MAST4: variants seen among roughly 807,000 people sequenced by gnomAD.
MAST4 encodes microtubule associated serine/threonine kinase family member 4.
A neutral mutation model predicts 162.7 loss-of-function variants in MAST4; 89 were observed. That is an observed-to-expected ratio of 0.55 (90% CI 0.46 to 0.65). The LOEUF is 0.65. Ranked by LOEUF, MAST4 falls within the 30% of genes least tolerant of loss-of-function variation. MAST4 has a pLI of 0.00. For synonymous variants in MAST4, 1,479 were observed against 1,361.1 expected (o/e 1.09, Z -1.91); for missense variants, 3,153 against 3,374.0 (o/e 0.93, Z 1.62).
chr5:66,950,223 TTTTTTTTTCTTTTTTTTTC>T (rs1267288777), intron 4 of MAST4, among the ~76,000 whole-genome samples: 2 of 131,700 alleles, frequency 1.5e-5, no homozygotes, highest in African/African-American at 8.7e-5. Context: ...ACTAGTATAC[TTTTTTTTTCTTTTTTTTTC>T]TTTTTTTTCT....
At chr5:66,735,763 G>A (rs1486181647) in intron 1 of MAST4, among the ~76,000 whole-genome samples, 1 of 152,192 alleles carries the variant, frequency 6.6e-6, no homozygotes, top group Non-Finnish European at 1.5e-5. Context: ...ATTCTTGACT[G>A]TAGGAGCTAG....
intron 24 of MAST4, among the ~76,000 whole-genome samples, chr5:67,151,767 C>CTTTTTTTTTTTTTT (rs1163541260): frequency 8.6e-6 from 1 of 115,664 alleles, no homozygotes; most frequent in Non-Finnish European, 1.8e-5. Flanking sequence ...TTCTTTTTTT[C>CTTTTTTTTTTTTTT]TTTTTTTTTT....
intron 4 of MAST4, among the ~76,000 whole-genome samples, chr5:66,950,947 G>T (rs940368391): frequency 3.9e-5 from 6 of 152,132 alleles, no homozygotes; most frequent in African/African-American, 7.2e-5. Flanking sequence ...TGTTTGCAAG[G>T]TTCATCCACA....
intron 26 of MAST4, among the ~76,000 whole-genome samples, chr5:67,160,124 A>T (rs1773015217): frequency 6.6e-6 from 1 of 152,222 alleles, no homozygotes; most frequent in Non-Finnish European, 1.5e-5. Flanking sequence ...TGTGATCCTC[A>T]AATGAGCCCC....
rs912097249 is a variant in MAST4, at chr5:66,640,863, C to T, written c.363+43845C>T. On this transcript the variant is annotated intron_variant, in intron 1 of 28. Coordinates refer to ENST00000403625, the MANE Select transcript of MAST4 (RefSeq NM_001164664.2). ...TCCATTAGCAATGTACCAGGGTTCCCTTTTCCCTACACCCTCTTGAGCACT... is the reference window on the plus strand; with the variant it reads ...TCCATTAGCAATGTACCAGGGTTCCTTTTTCCCTACACCCTCTTGAGCACT... Among the ~76,000 whole-genome samples the T allele has an allele frequency of 2.0e-5, 3 of 151,960 alleles. No homozygotes were observed. In the East Asian group the frequency reaches 5.8e-4, roughly 29 times the overall value.
intron 5 of MAST4, among the ~76,000 whole-genome samples, chr5:67,064,824 T>G (rs1760039990): frequency 6.6e-6 from 1 of 151,150 alleles, no homozygotes; most frequent in South Asian, 2.1e-4. Context: ...TTATAAATTT[T>G]AGAGAGGAGA....
chr5:66,718,940 G>A (rs1301652695), intron 1 of MAST4, among the ~76,000 whole-genome samples: 1 of 152,192 alleles, frequency 6.6e-6, no homozygotes, highest in African/African-American at 2.4e-5. Context: ...GCTTAACCAT[G>A]TAGACTGTAA....
chr5:67,089,256 C>G (rs943207883), intron 5 of MAST4, among the ~76,000 whole-genome samples: 1 of 152,198 alleles, frequency 6.6e-6, no homozygotes, highest in African/African-American at 2.4e-5. Flanking sequence ...ATTAAACATG[C>G]AGAGGGAAGC....
chr5:66,897,030 T>C (rs1561424402), intron 3 of MAST4, among the ~76,000 whole-genome samples: 1 of 152,220 alleles, frequency 6.6e-6, no homozygotes, highest in Non-Finnish European at 1.5e-5. Context: ...ACAGCAACTC[T>C]AAAAAATGTT....
intron 4 of MAST4, among the ~76,000 whole-genome samples, chr5:66,917,905 T>A (rs1020572712): frequency 3.9e-5 from 6 of 152,124 alleles, no homozygotes; most frequent in Non-Finnish European, 8.8e-5. Flanking sequence ...ATTAAAAATT[T>A]AAAATTGAAG....
At chr5:66,611,951 A>G (rs917662733) in intron 1 of MAST4, among the ~76,000 whole-genome samples, 1 of 152,232 alleles carries the variant, frequency 6.6e-6, no homozygotes, top group Non-Finnish European at 1.5e-5. Flanking sequence ...TTGTTTCTAA[A>G]TGTGTAATAC....
At chr5:66,764,109 T>C (rs1753975379) in intron 2 of MAST4, among the ~76,000 whole-genome samples, 1 of 152,208 alleles carries the variant, frequency 6.6e-6, no homozygotes, top group Non-Finnish European at 1.5e-5. Flanking sequence ...AACATCTCAA[T>C]GGTAGACAAC....
rs59769598 is a variant in MAST4 at position 66,616,761 on chromosome 5, T to A, written c.363+19743T>A. The stretch of plus-strand genomic sequence containing the variant: ...AGTCTATCTTCTGAATAGGCACACA[T>A]TTCATAATGTTTGCAAAAGCAAATT... On this transcript the variant is annotated intron_variant, in intron 1 of 28. Coordinates refer to ENST00000403625, the MANE Select transcript of MAST4 (RefSeq NM_001164664.2). 3.6e-3 allele frequency among the ~76,000 whole-genome samples: 549 copies of A among 152,274 alleles called. 2 individuals carry two copies. The highest frequency in any genetic ancestry group is 0.013 in the African/African-American group (528 of 41,548).
chr5:66,864,208 A>AAGG (rs1760324252), intron 3 of MAST4, among the ~76,000 whole-genome samples: 1 of 126,932 alleles, frequency 7.9e-6, no homozygotes, highest in Non-Finnish European at 1.8e-5. Flanking sequence ...TAATGTAAAG[A>AAGG]TGGGGAAAAG....
chr5:66,907,756 G>A (rs535417187), intron 4 of MAST4, among the ~76,000 whole-genome samples: 14 of 152,146 alleles, frequency 9.2e-5, no homozygotes, highest in Admixed American at 7.8e-4. Flanking sequence ...GCAAGGAAAG[G>A]GAATCACCTT....
At chr5:66,665,636 T>C (rs1292698184) in intron 1 of MAST4, among the ~76,000 whole-genome samples, 1 of 152,184 alleles carries the variant, frequency 6.6e-6, no homozygotes, top group African/African-American at 2.4e-5. Flanking sequence ...TCGGGATGTC[T>C]TTAGTGGTAG....
At chr5:67,130,547 G>A in intron 15 of MAST4, 129 bp downstream of exon 15, 1 of 830,636 alleles carries the variant, frequency 1.2e-6, no homozygotes, top group Non-Finnish European at 1.9e-6. Flanking sequence ...CAATGAAATG[G>A]CTGTATTCCC....
intron 3 of MAST4, among the ~76,000 whole-genome samples, chr5:66,841,416 T>C (rs1259248065): frequency 6.6e-6 from 1 of 152,166 alleles, no homozygotes; most frequent in Non-Finnish European, 1.5e-5. Flanking sequence ...TCTTAGTCAG[T>C]TCTGGCTGCT....
chr5:67,010,325 G>C (rs1752521312), intron 4 of MAST4, among the ~76,000 whole-genome samples: 1 of 152,192 alleles, frequency 6.6e-6, no homozygotes, highest in Non-Finnish European at 1.5e-5. Flanking sequence ...ACATAACCCT[G>C]TGGGGTGATG....
Sources: gnomAD v4.1 joint callset for allele counts (sites outside exome capture counted in the v4.1 genomes callset) on GRCh38, gnomAD v4.1.1 for gene constraint, MANE v1.5 for transcripts, NCBI Gene and HGNC (gene_info 2026-07-23, HGNC 2026-07-21) for gene names.